The following UGT3A1 variants were observed in gnomAD, a reference collection of about 807,000 sequenced individuals.
UGT3A1 encodes UDP glycosyltransferase family 3 member A1.
A neutral mutation model predicts 37.6 loss-of-function variants in UGT3A1; 40 were observed. That is an observed-to-expected ratio of 1.06 (90% confidence interval 0.83 to 1.38). The LOEUF is 1.38. UGT3A1 is among the 40% of genes most tolerant of loss of function. The pLI, the probability that UGT3A1 is intolerant of heterozygous loss-of-function variation, is 0.00. For missense variants in UGT3A1, 642 were observed against 634.2 expected (o/e 1.01, Z -0.13); for synonymous variants, 256 against 232.3 (o/e 1.10, Z -0.93).
chr5:35,982,850 G>C (rs1027924195), intron 2 of UGT3A1, among the ~76,000 whole-genome samples: 1 of 152,178 alleles, frequency 6.6e-6, no homozygotes, highest in Non-Finnish European at 1.5e-5. Flanking sequence ...CCTGCTGAGA[G>C]GTGATTGGAT....
upstream of UGT3A1, among the ~76,000 whole-genome samples, chr5:35,992,842 A>T (rs1043604240): frequency 3.9e-5 from 6 of 152,158 alleles, no homozygotes; most frequent in South Asian, 2.1e-4. Flanking sequence ...AAATTTGGGG[A>T]CACAAAACTC....
chr5:35,968,005 T>G lies in UGT3A1; in HGVS notation c.311+14A>C, dbSNP rs1340367941. The G allele has an allele frequency of 6.3e-7, 1 of 1,584,836 alleles. No individual in the cohort carries two copies. Among genetic ancestry groups the G allele is most frequent in the Admixed American group, 1.7e-5 (1 of 59,574 alleles). ...AATAGTGACTCTTTGCTTCATAGAATGAAAAGAAGTTACCTGCCATCCAAT... is the reference window on the plus strand; with the variant it reads ...AATAGTGACTCTTTGCTTCATAGAAGGAAAAGAAGTTACCTGCCATCCAAT... On this transcript the variant is annotated intron_variant, in intron 3 of 6. Coordinates refer to ENST00000274278, the MANE Select transcript of UGT3A1 (RefSeq NM_152404.4).
intron 2 of UGT3A1, among the ~76,000 whole-genome samples, chr5:35,975,041 T>G (rs1284402368): frequency 6.6e-6 from 1 of 152,236 alleles, no homozygotes; most frequent in Non-Finnish European, 1.5e-5. Flanking sequence ...AATATATTTG[T>G]GTCCTATGTA....
chr5:35,973,839 T>C lies in UGT3A1; in HGVS notation c.197-5706A>G, dbSNP rs367562504. ...TTAAGCACCAAAATCAAGGTAGGCA[T>C]GGTTACCATGAGGAATAGTAGAGTC... On this transcript the variant is annotated intron_variant, in intron 2 of 6. Coordinates refer to ENST00000274278, the MANE Select transcript of UGT3A1 (RefSeq NM_152404.4). Among the ~76,000 whole-genome samples, 13 of 152,258 alleles carry C rather than the reference T, an allele frequency of 8.5e-5. 1 individual carries two copies. Among genetic ancestry groups the C allele is most frequent in the East Asian group, 3.9e-4 (2 of 5,182 alleles).
intron 2 of UGT3A1, among the ~76,000 whole-genome samples, chr5:35,981,227 G>A (rs1489910978): frequency 6.6e-6 from 1 of 152,170 alleles, no homozygotes; most frequent in Non-Finnish European, 1.5e-5. Flanking sequence ...AATCAAGCTA[G>A]CTTCACTCTG....
At chr5:35,973,021 T>C (rs1457551907) in intron 2 of UGT3A1, among the ~76,000 whole-genome samples, 4 of 152,168 alleles carry the variant, frequency 2.6e-5, no homozygotes, top group African/African-American at 9.7e-5. Context: ...GTCAAGGCAA[T>C]GATCAGGAAA....
At chr5:35,995,617 G>A (rs1194669652), upstream of UGT3A1, among the ~76,000 whole-genome samples, 1 of 152,152 alleles carries the variant, frequency 6.6e-6, no homozygotes, top group Non-Finnish European at 1.5e-5. Context: ...ACAGTGGTCA[G>A]ACCCTATAGC....
At position 35,990,847 on chromosome 5, in the gene UGT3A1, C is replaced by T. The variant is rs949487092; in HGVS notation, c.94+300G>A. 5 of 1,088,978 alleles carry T rather than the reference C, an allele frequency of 4.6e-6. No individual in the cohort carries two copies. The African/African-American group carries it at 8.1e-5, about 18-fold the overall frequency. 67.5% of individuals were successfully genotyped at this position (1,088,978 alleles called of 1,614,324 possible). A position where few individuals can be genotyped will look rare whatever the true frequency, so the allele number is the denominator to read the frequency against. On this transcript the variant is annotated intron_variant, in intron 1 of 6. Coordinates refer to ENST00000274278, the MANE Select transcript of UGT3A1 (RefSeq NM_152404.4). Reference sequence around the variant, plus strand: ...CGCTCTAGAGAAGGCAGCCCAGGAACTCAAGCTCTGGTCCTGGTCTCAAAT... The same window carrying T: ...CGCTCTAGAGAAGGCAGCCCAGGAATTCAAGCTCTGGTCCTGGTCTCAAAT...
chr5:35,967,161 A>G (rs147402896), intron 3 of UGT3A1, among the ~76,000 whole-genome samples: 1 of 152,350 alleles, frequency 6.6e-6, no homozygotes, highest in Non-Finnish European at 1.5e-5. Context: ...GACAACACAT[A>G]TACTTTAAAA....
At chr5:35,971,463 TACACACAC>T (rs76860183) in intron 2 of UGT3A1, among the ~76,000 whole-genome samples, 117 of 147,790 alleles carry the variant, frequency 7.9e-4, no homozygotes, top group South Asian at 4.3e-3. Context: ...GACACACGCA[TACACACAC>T]ACACACACAC....
intron 2 of UGT3A1, among the ~76,000 whole-genome samples, chr5:35,988,045 T>G (rs142372829): frequency 6.6e-6 from 1 of 152,286 alleles, no homozygotes; most frequent in East Asian, 1.9e-4. Context: ...TTCATAAATT[T>G]CAAGTCTCTC....
At chr5:35,973,074 A>G (rs1740115177) in intron 2 of UGT3A1, among the ~76,000 whole-genome samples, 2 of 152,196 alleles carry the variant, frequency 1.3e-5, no homozygotes, top group South Asian at 2.1e-4. Flanking sequence ...GGCAGATCCT[A>G]TGAATCTGGG....
chr5:35,963,249 G>C (rs1168806278), intron 4 of UGT3A1, among the ~76,000 whole-genome samples: 1 of 152,162 alleles, frequency 6.6e-6, no homozygotes, highest in Non-Finnish European at 1.5e-5. Flanking sequence ...CCATGAAGTG[G>C]GGGTTTAGTC....
chr5:35,967,558 T>C (rs1284266884), intron 3 of UGT3A1, among the ~76,000 whole-genome samples: 1 of 152,184 alleles, frequency 6.6e-6, no homozygotes, highest in East Asian at 1.9e-4. Flanking sequence ...GTTTTCTCCA[T>C]TAGTGAATTT....
chr5:35,991,706 T>C, upstream of UGT3A1: 1 of 924,848 alleles, frequency 1.1e-6, no homozygotes, highest in Admixed American at 5.9e-5. Flanking sequence ...GCCATCTCCA[T>C]GCCCCCATTT....
At chr5:35,994,819 C>T (rs1741056573), upstream of UGT3A1, among the ~76,000 whole-genome samples, 1 of 152,136 alleles carries the variant, frequency 6.6e-6, no homozygotes, top group Admixed American at 6.5e-5. Flanking sequence ...GTCTCTAAGA[C>T]CCCGGAGGAA....
upstream of UGT3A1, among the ~76,000 whole-genome samples, chr5:35,993,777 C>T (rs547513515): frequency 1.8e-4 from 28 of 152,136 alleles, no homozygotes; most frequent in Non-Finnish European, 3.2e-4. Context: ...TGTTTGGTTC[C>T]GGCTTGGGCA....
Position 35,957,416 on chromosome 5 carries a change from A to T in UGT3A1, c.847T>A (p.Leu283Met), listed in dbSNP as rs779383010. ...CCAAAGTTGGCAATGAAGTTGTCCA[A>T]GTCCTAGAGAGAGATGACAAAAGAA... ...EKPIKPVPQD[L>M]DNFIANFGDA... is the part of the protein sequence containing the mutation. The change falls in exon 5 of 7, where the codon TTG becomes ATG. Residue 283 changes from leucine (L) to methionine (M), a missense_variant. By Grantham distance (15) the Leu-to-Met change is conservative. Coordinates refer to ENST00000274278, the MANE Select transcript of UGT3A1 (RefSeq NM_152404.4). 6.2e-7 allele frequency: 1 copy of T among 1,613,038 alleles called. No individual in the cohort carries two copies. Among genetic ancestry groups the T allele is most frequent in the East Asian group, 2.2e-5 (1 of 44,854 alleles).
At chr5:35,958,637 G>GA (rs1296268932) in intron 4 of UGT3A1, among the ~76,000 whole-genome samples, 2 of 152,190 alleles carry the variant, frequency 1.3e-5, no homozygotes, top group African/African-American at 2.4e-5. Context: ...GTAGAGTTTT[G>GA]AAAACCAGTC....
Sources: gnomAD v4.1 joint callset for allele counts (sites outside exome capture counted in the v4.1 genomes callset) on GRCh38, gnomAD v4.1.1 for gene constraint, MANE v1.5 for transcripts, NCBI Gene and HGNC (gene_info 2026-07-23, HGNC 2026-07-21) for gene names.